Variants in NFIA observed in about 807,000 individuals in gnomAD.
NFIA encodes the protein nuclear factor I A, also known as nuclear factor 1 A-type.
A neutral mutation model predicts 62.8 loss-of-function variants in NFIA; 8 were observed. The observed-to-expected ratio is 0.13, with a 90% CI of 0.07 to 0.23. NFIA has a LOEUF of 0.23. NFIA is among the 10% of genes least tolerant of loss of function. NFIA has a pLI of 1.00. For missense variants in NFIA, 410 were observed against 642.1 expected (o/e 0.64, Z 3.91); for synonymous variants, 235 against 238.1 (o/e 0.99, Z 0.12).
chr1:61,248,634 G>A (rs930829013), intron 2 of NFIA, among the ~76,000 whole-genome samples: 1 of 152,124 alleles, frequency 6.6e-6, no homozygotes, highest in African/African-American at 2.4e-5. Context: ...ATCCCAAAAC[G>A]TTTCTTTGTG....
intron 7 of NFIA, among the ~76,000 whole-genome samples, chr1:61,388,850 C>A (rs2100495322): frequency 6.6e-6 from 1 of 152,290 alleles, no homozygotes; most frequent in Non-Finnish European, 1.5e-5. Context: ...TATGGTGACT[C>A]ACACTTGTAA....
chr1:61,152,181 C>G (rs1444788892), intron 2 of NFIA, among the ~76,000 whole-genome samples: 2 of 152,152 alleles, frequency 1.3e-5, no homozygotes, highest in African/African-American at 4.8e-5. Flanking sequence ...GCTATTAGTG[C>G]CTAATCATAT....
chr1:61,369,633 A>G (rs1663777665), intron 6 of NFIA, among the ~76,000 whole-genome samples: 1 of 152,122 alleles, frequency 6.6e-6, no homozygotes, highest in African/African-American at 2.4e-5. Flanking sequence ...GACTCAAGAC[A>G]AGTTGATTAA....
chr1:61,447,770 G>A (rs1264203991), intron 10 of NFIA, among the ~76,000 whole-genome samples: 2 of 152,150 alleles, frequency 1.3e-5, no homozygotes, highest in Non-Finnish European at 2.9e-5. Flanking sequence ...AATCATTGTT[G>A]AAATATTCCC....
intron 2 of NFIA, among the ~76,000 whole-genome samples, chr1:61,153,791 A>G (rs334700): frequency 0.93 from 141,185 of 152,272 alleles, 65,617 homozygotes; most frequent in Middle Eastern, 0.97. Context: ...GGTCATTAGA[A>G]CATCAAGTAA....
chr1:61,361,543 C>A (rs773685022), intron 6 of NFIA, among the ~76,000 whole-genome samples: 1 of 152,030 alleles, frequency 6.6e-6, no homozygotes, highest in Non-Finnish European at 1.5e-5. Flanking sequence ...TCAGAGCTCC[C>A]CCATCATGAG....
At chr1:61,319,150 C>G (rs1660530189) in intron 3 of NFIA, among the ~76,000 whole-genome samples, 1 of 152,026 alleles carries the variant, frequency 6.6e-6, no homozygotes, top group Non-Finnish European at 1.5e-5. Context: ...TGGAAATTAC[C>G]ACATTCACCA....
At chr1:61,322,465 T>G (rs551518470) in intron 3 of NFIA, among the ~76,000 whole-genome samples, 1 of 152,288 alleles carries the variant, frequency 6.6e-6, no homozygotes, top group Admixed American at 6.5e-5. Flanking sequence ...GCTCTGCTAT[T>G]CCACGGGTGT....
intron 2 of NFIA, among the ~76,000 whole-genome samples, chr1:61,193,334 A>G (rs915779781): frequency 1.3e-5 from 2 of 152,216 alleles, no homozygotes; most frequent in Non-Finnish European, 2.9e-5. Context: ...TGAATACTAC[A>G]AGAAGGATCT....
intron 10 of NFIA, among the ~76,000 whole-genome samples, chr1:61,440,316 GATT>G (rs1667518026): frequency 1.3e-5 from 2 of 152,114 alleles, no homozygotes; most frequent in Non-Finnish European, 2.9e-5. Context: ...ATTTAATGAT[GATT>G]ATTATACTAA....
At chr1:61,431,747 C>T (rs1162872837) in intron 10 of NFIA, among the ~76,000 whole-genome samples, 2 of 152,190 alleles carry the variant, frequency 1.3e-5, no homozygotes, top group African/African-American at 4.8e-5. Flanking sequence ...GGCATGACAC[C>T]CGTTGTCTGC....
chr1:61,275,452 G>A lies in NFIA; in HGVS notation c.560-2068G>A, dbSNP rs112301573. 1.2e-4 allele frequency among the ~76,000 whole-genome samples: 18 copies of A among 152,090 alleles called. 1 individual carries two copies. Among genetic ancestry groups the A allele is most frequent in the African/African-American group, 3.6e-4 (15 of 41,486 alleles). Reference sequence around the variant, plus strand: ...GCTTTAATATTCATGGATAAATATCGGAAAAGTAATTGGCTATTGTATATC... The same window carrying A: ...GCTTTAATATTCATGGATAAATATCAGAAAAGTAATTGGCTATTGTATATC... On this transcript the variant is annotated intron_variant, in intron 2 of 10. Transcript: ENST00000403491.
intron 2 of NFIA, among the ~76,000 whole-genome samples, chr1:61,170,849 A>G (rs1019087406): frequency 1.2e-4 from 18 of 152,246 alleles, no homozygotes; most frequent in African/African-American, 4.3e-4. Flanking sequence ...TTTGGTCTTG[A>G]TAAGCTTCTA....
At chr1:61,138,177 C>T (rs1316475695) in intron 2 of NFIA, among the ~76,000 whole-genome samples, 1 of 152,082 alleles carries the variant, frequency 6.6e-6, no homozygotes, top group Non-Finnish European at 1.5e-5. Context: ...CTCGCTGCAG[C>T]CTTGACCTCC....
At chr1:61,079,423 G>C (rs1646069371), upstream of NFIA, among the ~76,000 whole-genome samples, 1 of 152,168 alleles carries the variant, frequency 6.6e-6, no homozygotes, top group African/African-American at 2.4e-5. Context: ...ATATCTAAGA[G>C]GATTTCACTA....
At chr1:61,426,625 C>G (rs1666882837) in intron 10 of NFIA, 69 bp downstream of exon 10, 3 of 1,164,624 alleles carry the variant, frequency 2.6e-6, no homozygotes, top group Admixed American at 5.7e-5. Flanking sequence ...TTTAACTTGT[C>G]TTTTGCACAA....
At chr1:61,177,778 G>T (rs34120518) in intron 2 of NFIA, among the ~76,000 whole-genome samples, 1 of 151,932 alleles carries the variant, frequency 6.6e-6, no homozygotes, top group African/African-American at 2.4e-5. Flanking sequence ...GAACCATCCT[G>T]AATAGAGAGG....
chr1:61,237,359 A>G (rs910584039), intron 2 of NFIA, among the ~76,000 whole-genome samples: 3 of 152,224 alleles, frequency 2.0e-5, no homozygotes, highest in Admixed American at 2.0e-4. Flanking sequence ...GGTGATTTGT[A>G]ATTCTGTTAA....
intron 2 of NFIA, among the ~76,000 whole-genome samples, chr1:61,252,821 A>G (rs1557663185): frequency 6.6e-6 from 1 of 152,148 alleles, no homozygotes; most frequent in Non-Finnish European, 1.5e-5. Context: ...TTCTTCATCC[A>G]TTTTTTCAAA....
Sources: allele counts gnomAD v4.1 joint callset (sites outside exome capture counted in the v4.1 genomes callset), GRCh38; gene constraint gnomAD v4.1.1; transcripts MANE v1.5; gene names NCBI Gene and HGNC (gene_info 2026-07-23, HGNC 2026-07-21).